The following SMARCA4 variants were observed in gnomAD, a reference collection of about 807,000 sequenced individuals.
SMARCA4 encodes SWI/SNF related BAF chromatin remodeling complex subunit ATPase 4.
Under a neutral mutation model 193.9 loss-of-function variants are expected in SMARCA4, and 31 were observed. The ratio of observed to expected loss-of-function variants is 0.16; its 90% CI spans 0.12 to 0.22. SMARCA4 has a LOEUF of 0.22. Ranked by LOEUF, SMARCA4 falls within the 10% of genes least tolerant of loss-of-function variation. The pLI, the probability that SMARCA4 is intolerant of heterozygous loss-of-function variation, is 1.00. For missense variants in SMARCA4, 1,148 were observed against 2,296.0 expected, an observed-to-expected ratio of 0.50 and a Z score of 10.22; for synonymous variants, 942 against 933.1, an observed-to-expected ratio of 1.01 and a Z score of -0.17.
chr19:11,018,795 C>T, intron 16 of SMARCA4, 162 bp from the exon 17 acceptor site: 1 of 754,062 alleles, frequency 1.3e-6, no homozygotes, highest in Admixed American at 1.8e-5. Flanking sequence ...GCCAGTCTCT[C>T]TTCCTCCCTC....
rs1165714406 is a variant in SMARCA4, at chr19:10,986,948, G to GC, written c.810dup (p.Gly271ArgfsTer16). 6 of 1,611,188 alleles carry GC rather than the reference G, an allele frequency of 3.7e-6. No homozygotes were observed. On this transcript the variant is annotated frameshift_variant, in exon 5 of 35. Coordinates refer to ENST00000344626, the MANE Select transcript of SMARCA4 (RefSeq NM_003072.5). LOFTEE classifies it high-confidence loss of function. This position sits in a 1 kb window ranked among gnomAD's most constrained non-coding sequence, Gnocchi z 6.7. ...TGCCTCCCCCAGGACCCTCGGGCGT[G>GC]CCCCCCGGGATGCCAGGCCAGCCTC...
At chr19:11,011,652 A>C (rs1025784811) in intron 15 of SMARCA4, 14 of 152,382 alleles carry the variant, frequency 9.2e-5, no homozygotes, top group Admixed American at 8.5e-4. Context: ...AGGAGTTGAA[A>C]GTGGGCCTGG....
intron 1 of SMARCA4, among the ~76,000 whole-genome samples, chr19:10,971,687 C>G (rs2145529284): frequency 6.6e-6 from 1 of 151,822 alleles, no homozygotes; most frequent in Non-Finnish European, 1.5e-5. Flanking sequence ...AGGCTGGCCT[C>G]AAATTCCTGG....
chr19:11,036,694 A>G (rs1390178740), intron 29 of SMARCA4, among the ~76,000 whole-genome samples: 1 of 152,184 alleles, frequency 6.6e-6, no homozygotes, highest in Non-Finnish European at 1.5e-5. Context: ...TGATACAATC[A>G]TCTTCAGTGT....
Position 11,041,102 on chromosome 19 carries a change from C to G in SMARCA4, c.4171-205C>G. The G allele has an allele frequency of 1.7e-6, 1 of 578,030 alleles. No homozygotes were observed. Among genetic ancestry groups the G allele is most frequent in the Non-Finnish European group, 3.0e-6 (1 of 329,256 alleles). 35.8% of individuals were successfully genotyped at this position (578,030 alleles called of 1,614,324 possible). On this transcript the variant is annotated intron_variant, in intron 29 of 34. Coordinates refer to ENST00000344626, the MANE Select transcript of SMARCA4 (RefSeq NM_003072.5). The surrounding 1 kb of genome is among the most constrained non-coding windows in gnomAD (Gnocchi z 5.6). ...AAGACAAGCTTGGGTGGGGTGCCTG[C>G]TGGGGGCAGTGCTGGTCTTTCACTG...
rs762625346 is a variant in SMARCA4 at position 10,984,170 on chromosome 19, C to A, written c.19C>A (p.Pro7Thr). MSTPDP[P>T]LGGTPRPGPS... ...CGTGAAGATGTCCACTCCAGACCCA[C>A]CCCTGGGCGGAACTCCTCGGCCAGG... Residue 7 changes from proline to threonine, a missense_variant, in exon 2 of 35, where the codon CCC (proline) becomes ACC (threonine). Transcript: ENST00000344626. The surrounding 1 kb of genome is among the most constrained non-coding windows in gnomAD (Gnocchi z 4.3). The A allele has an allele frequency of 6.2e-7, 1 of 1,613,578 alleles. No homozygotes were observed. The highest frequency in any genetic ancestry group is 2.2e-5 in the East Asian group (1 of 44,878).
chr19:10,980,095 G>T (rs2085443328), intron 1 of SMARCA4, among the ~76,000 whole-genome samples: 1 of 152,174 alleles, frequency 6.6e-6, no homozygotes, highest in Non-Finnish European at 1.5e-5. Flanking sequence ...CTTTGGCACT[G>T]GGCGATACTG....
intron 1 of SMARCA4, among the ~76,000 whole-genome samples, chr19:10,963,693 T>G (rs1171915346): frequency 6.6e-6 from 1 of 152,006 alleles, no homozygotes; most frequent in African/African-American, 2.4e-5. Context: ...TTCACAGGCT[T>G]CTTGTGAGGG....
chr19:11,009,007 C>CTTTTTTTTTTTTTTTTTTTT lies in SMARCA4; in HGVS notation c.2123+999_2123+1018dup, dbSNP rs762148337. ...AAAAAATGTAGGTGGATAAAAGTCA[C>CTTTTTTTTTTTTTTTTTTTT]TTTTTTTTTTTTTTTTTTTTTTTTT... On this transcript the variant is annotated intron_variant, in intron 14 of 34. Coordinates refer to ENST00000344626, the MANE Select transcript of SMARCA4 (RefSeq NM_003072.5). 1.7e-4 allele frequency among the ~76,000 whole-genome samples: 7 copies of CTTTTTTTTTTTTTTTTTTTT among 40,948 alleles called. 1 individual carries two copies. Among genetic ancestry groups the CTTTTTTTTTTTTTTTTTTTT allele is most frequent in the Non-Finnish European group, 2.8e-4 (7 of 24,632 alleles). The allele number at this position is 40,948 out of a possible 152,430, so 26.9% of individuals were successfully genotyped here.
intron 1 of SMARCA4, among the ~76,000 whole-genome samples, chr19:10,973,077 C>T (rs1380425892): frequency 2.0e-5 from 3 of 151,584 alleles, no homozygotes; most frequent in Non-Finnish European, 4.4e-5. Context: ...CCACTGCACT[C>T]CAGCCTGGGT....
intron 34 of SMARCA4, 49 bp from the exon 35 acceptor site, chr19:11,061,735 C>T (rs2076911807): frequency 1.3e-6 from 2 of 1,590,974 alleles, no homozygotes; most frequent in Non-Finnish European, 1.7e-6. Flanking sequence ...GGCAAGGTGC[C>T]CTGGCAGGGG....
In SMARCA4 at chr19:11,058,933, T is replaced by C. The variant is rs2076700505; in HGVS notation, c.4635+44T>C. 2 of 1,501,704 alleles carry C rather than the reference T, an allele frequency of 1.3e-6. No homozygotes were observed. Among genetic ancestry groups the C allele is most frequent in the Middle Eastern group, 1.7e-4 (1 of 5,840 alleles). The allele number at this position is 1,501,704 out of a possible 1,614,324, so 93.0% of individuals were successfully genotyped here. ...GTTGGGGATGGGCCACTCCCACAGC[T>C]GGGCTTTGACCCAACCCGCCCCTCC... On this transcript the variant is annotated intron_variant, in intron 32 of 34. Coordinates refer to ENST00000344626, the MANE Select transcript of SMARCA4 (RefSeq NM_003072.5). The surrounding 1 kb of genome is among the most constrained non-coding windows in gnomAD (Gnocchi z 5.8).
rs772899724 is a variant in SMARCA4 at position 11,059,911 on chromosome 19, C to T, written c.4768+26C>T. The T allele has an allele frequency of 5.0e-6, 8 of 1,613,636 alleles. No individual in the cohort carries two copies. The South Asian group carries it at 6.6e-5, about 13-fold the overall frequency. On this transcript the variant is annotated intron_variant, in intron 33 of 34. Transcript: ENST00000344626. ...GTGAGTCCCGGGGGGGTTCAGGACG[C>T]CGGGGTTCACGCTGGCCCGAGAGCC...
chr19:11,061,916 G>A lies in SMARCA4; in HGVS notation c.*100G>A. The A allele has an allele frequency of 1.8e-6, 2 of 1,106,940 alleles. No individual in the cohort carries two copies. The highest frequency in any genetic ancestry group is 2.5e-5 in the South Asian group (2 of 80,906). The allele number at this position is 1,106,940 out of a possible 1,614,324, so 68.6% of individuals were successfully genotyped here. On this transcript the variant is annotated 3_prime_UTR_variant, in exon 35 of 35. Transcript: ENST00000344626. ...TAGCAGCAGATGTAGTTTCAGACTT[G>A]GAGTAAAACTGTATAAACAAAAGAA... is the stretch of plus-strand genomic sequence containing the variant.
chr19:11,057,117 G>A (rs1302985423), intron 30 of SMARCA4, among the ~76,000 whole-genome samples: 1 of 152,224 alleles, frequency 6.6e-6, no homozygotes, highest in Non-Finnish European at 1.5e-5. Context: ...GGCTTCGTCC[G>A]CCTGGTGGCT....
chr19:11,061,204 A>AATATATAT (rs55894159), intron 34 of SMARCA4, among the ~76,000 whole-genome samples: 95 of 45,154 alleles, frequency 2.1e-3, no homozygotes, highest in African/African-American at 8.9e-3. Flanking sequence ...AAAAAAAAAA[A>AATATATAT]ATATATATAT....
intron 34 of SMARCA4, chr19:11,060,508 G>A (rs2076803603): frequency 2.0e-6 from 1 of 494,788 alleles, no homozygotes; most frequent in Admixed American, 3.3e-5. Flanking sequence ...GGCAGGCCAG[G>A]GCTTGATTAG....
chr19:11,020,317 C>T (rs1384836289), intron 18 of SMARCA4, among the ~76,000 whole-genome samples: 1 of 152,166 alleles, frequency 6.6e-6, no homozygotes, highest in South Asian at 2.1e-4. Context: ...TCCAAAAACT[C>T]ATGTTCCTCA....
chr19:11,019,773 T>C lies in SMARCA4; in HGVS notation c.2616+72T>C. 9.6e-7 allele frequency: 1 copy of C among 1,040,794 alleles called. No individual in the cohort carries two copies. The highest frequency in any genetic ancestry group is 1.5e-6 in the Non-Finnish European group (1 of 675,014). The allele number at this position is 1,040,794 out of a possible 1,614,324, so 64.5% of individuals were successfully genotyped here. A position where few individuals can be genotyped will look rare whatever the true frequency, so the allele number is the denominator to read the frequency against. On this transcript the variant is annotated intron_variant, in intron 18 of 34. Transcript: ENST00000344626. This position sits in a 1 kb window ranked among gnomAD's most constrained non-coding sequence, Gnocchi z 6.1. ...CACGTGGGTCACGCTGCCCGTCTCCTCCAAAGCCCCTACAAGTTTCTTCCC... is the reference window on the plus strand; with the variant it reads ...CACGTGGGTCACGCTGCCCGTCTCCCCCAAAGCCCCTACAAGTTTCTTCCC...
Sources: allele counts gnomAD v4.1 joint callset (sites outside exome capture counted in the v4.1 genomes callset), GRCh38; gene constraint gnomAD v4.1.1; non-coding constraint Gnocchi (gnomAD v3.1); transcripts MANE v1.5; gene names NCBI Gene and HGNC (gene_info 2026-07-23, HGNC 2026-07-21).